Variants in ZNF256 observed in about 807,000 individuals in gnomAD.
The protein encoded by ZNF256 is bone marrow zinc finger 3.
ZNF256 carries 4 observed loss-of-function variants against 7.9 expected under a neutral mutation model. The observed-to-expected ratio is 0.50, with a 90% CI of 0.25 to 1.15. ZNF256 has a LOEUF of 1.15. Among genes scored for constraint, ZNF256 ranks in the 50% most tolerant of loss-of-function variants. ZNF256 has a pLI of 0.15. For missense variants in ZNF256, 666 were observed against 755.9 expected (o/e 0.88, Z 1.39); for synonymous variants, 260 against 260.4 (o/e 1.00, Z 0.02).
rs1418412680 is a variant in ZNF256, at chr19:57,943,974, G to A, written c.120C>T (p.His40=). 8 of 1,614,064 alleles carry A rather than the reference G, an allele frequency of 5.0e-6. No individual in the cohort carries two copies. Among genetic ancestry groups the A allele is most frequent in the Non-Finnish European group, 6.8e-6 (8 of 1,180,000 alleles). Residue 40 remains histidine, a synonymous_variant, in exon 2 of 3, where the codon CAC becomes CAT. Coordinates refer to ENST00000282308, the MANE Select transcript of ZNF256 (RefSeq NM_005773.3). ...LLDEAQKCLY[H]DVMLENLTLT... The stretch of plus-strand genomic sequence containing the variant: ...GTGTCAAGTTCTCCAGCATCACATC[G>A]TGGTACAGGCATTTCTGAGCCTCAT...
rs1280251662 is a variant in ZNF256, at chr19:57,941,509, T to C, written c.1299A>G (p.Arg433=). The C allele has an allele frequency of 1.2e-6, 2 of 1,613,806 alleles. No homozygotes were observed. The highest frequency in any genetic ancestry group is 1.7e-6 in the Non-Finnish European group (2 of 1,180,004). Residue 433 remains arginine (R), a synonymous_variant, in exon 3 of 3, where the codon AGA becomes AGG. Transcript: ENST00000282308. The part of the protein sequence containing the change: ...FQHQRVHTGV[R]SHECHECGKL... ...TTCCACATTCATGACATTCATGAGA[T>C]CTTACTCCAGTATGAACTCTCTGGT...
rs1469277514 is a variant in ZNF256 at position 57,942,238 on chromosome 19, G to A, written c.570C>T (p.His190=). The A allele has an allele frequency of 6.2e-7, 1 of 1,614,224 alleles. No homozygotes were observed. The change falls in exon 3 of 3, where the codon CAC becomes CAT. Residue 190 remains histidine, a synonymous_variant. Transcript: ENST00000282308. ...RSRFLQQQAA[H]TRKKSNRTKS... ...TGGTTCTGTTTGACTTCTTTCTGGT[G>A]TGAGCAGCCTGTTGCTGAAGAAATC...
In ZNF256 at chr19:57,942,100, T is replaced by C. The variant is rs760163276; in HGVS notation, c.708A>G (p.Glu236=). The part of the protein sequence containing the change: ...RVQHQGDLIR[E]RSYMCSECGK... ...CACATTCACTGCACATGTAAGATCT[T>C]TCCCTAATGAGGTCTCCCTGGTGCT... The change falls in exon 3 of 3, where the codon GAA becomes GAG. Residue 236 remains glutamate (E), a synonymous_variant. Transcript: ENST00000282308. The C allele has an allele frequency of 1.9e-6, 3 of 1,614,222 alleles. No homozygotes were observed. In the African/African-American group the frequency reaches 4.0e-5, roughly 22 times the overall value.
At position 57,942,459 on chromosome 19, in the gene ZNF256, G is replaced by A. The variant is rs1299090617; in HGVS notation, c.349C>T (p.Leu117=). 6.2e-7 allele frequency: 1 copy of A among 1,614,190 alleles called. No individual in the cohort carries two copies. Among genetic ancestry groups the A allele is most frequent in the Non-Finnish European group, 8.5e-7 (1 of 1,180,030 alleles). Residue 117 remains leucine, a synonymous_variant, in exon 3 of 3, where the codon CTG becomes TTG. Coordinates refer to ENST00000282308, the MANE Select transcript of ZNF256 (RefSeq NM_005773.3). ...TTCCTACATGCCCCGTCTGTATACAGTTTCTGACCATGGTGTGTTCCTTGG... is the reference window on the plus strand; with the variant it reads ...TTCCTACATGCCCCGTCTGTATACAATTTCTGACCATGGTGTGTTCCTTGG... ...EHQGTHHGQK[L]YTDGACRKQL... is the part of the protein sequence containing the mutation.
Position 57,947,698 on chromosome 19 carries a change from G to A in ZNF256, c.-224C>T, listed in dbSNP as rs1220669115. 2.4e-6 allele frequency: 1 copy of A among 425,066 alleles called. No individual in the cohort carries two copies. 26.3% of individuals were successfully genotyped at this position (425,066 alleles called of 1,614,324 possible). ...AAACGACCGCCACAAGGAGGACAAC[G>A]GAAGTCCCGCCGCGACCGCGCGTGC... is the stretch of plus-strand genomic sequence containing the variant. On this transcript the variant is annotated 5_prime_UTR_variant, in exon 1 of 3. Coordinates refer to ENST00000282308, the MANE Select transcript of ZNF256 (RefSeq NM_005773.3).
At position 57,942,394 on chromosome 19, in the gene ZNF256, C is replaced by T. The variant is rs905857086; in HGVS notation, c.414G>A (p.Lys138=). Residue 138 remains lysine, a synonymous_variant, in exon 3 of 3, where the codon AAG becomes AAA. Coordinates refer to ENST00000282308, the MANE Select transcript of ZNF256 (RefSeq NM_005773.3). ...QFTAYLHQHQ[K]QHVGQKHFRS... ...TGAAGTGTTTCTGTCCAACATGCTGCTTCTGGTGCTGATGAAGGTATGCAG... is the reference window on the plus strand; with the variant it reads ...TGAAGTGTTTCTGTCCAACATGCTGTTTCTGGTGCTGATGAAGGTATGCAG... 15 of 1,614,234 alleles carry T rather than the reference C, an allele frequency of 9.3e-6. No individual in the cohort carries two copies. The highest frequency in any genetic ancestry group is 1.7e-5 in the Admixed American group (1 of 60,026).
intron 1 of ZNF256, among the ~76,000 whole-genome samples, chr19:57,945,255 C>T (rs1298660935): frequency 1.3e-5 from 2 of 152,156 alleles, no homozygotes. Context: ...ACACTCCACA[C>T]AGGGCCATAC....
chr19:57,942,927 G>A (rs2072740735), intron 2 of ZNF256, among the ~76,000 whole-genome samples: 2 of 152,220 alleles, frequency 1.3e-5, no homozygotes, highest in Non-Finnish European at 2.9e-5. Flanking sequence ...ACAATTTTCA[G>A]TGAGATCTGC....
intron 2 of ZNF256, 90 bp downstream of exon 2, chr19:57,943,844 A>C: frequency 6.6e-7 from 1 of 1,525,264 alleles, no homozygotes. Flanking sequence ...AGCTGTGTCA[A>C]TAGTCCTCTT....
chr19:57,941,647 G>A lies in ZNF256; in HGVS notation c.1161C>T (p.Ser387=), dbSNP rs752458033. The part of the protein sequence containing the change: ...RPYMCSECGK[S]FSQSCHLIKH... ...TAATGAGGTGACAGCTCTGGCTAAAGGATTTCCCACATTCACTGCACATAT... is the reference window on the plus strand; with the variant it reads ...TAATGAGGTGACAGCTCTGGCTAAAAGATTTCCCACATTCACTGCACATAT... Residue 387 remains serine, a synonymous_variant, in exon 3 of 3, where the codon TCC becomes TCT. Transcript: ENST00000282308. 3 of 1,613,674 alleles carry A rather than the reference G, an allele frequency of 1.9e-6. No homozygotes were observed. Among genetic ancestry groups the A allele is most frequent in the African/African-American group, 2.7e-5 (2 of 74,792 alleles).
rs1368635058 is a variant in ZNF256 at position 57,941,786 on chromosome 19, T to C, written c.1022A>G (p.His341Arg). 9.9e-6 allele frequency: 16 copies of C among 1,614,114 alleles called. No individual in the cohort carries two copies. The highest frequency in any genetic ancestry group is 1.4e-5 in the Non-Finnish European group (16 of 1,179,974). Residue 341 changes from histidine to arginine, a missense_variant, in exon 3 of 3, where the codon CAC becomes CGC. Transcript: ENST00000282308. Reference sequence around the variant, plus strand: ...CCTCATTCCAGTATGAATTCTCTGGTGTGTAATGAGGCTAGAGCTATGGCT... The same window carrying C: ...CCTCATTCCAGTATGAATTCTCTGGCGTGTAATGAGGCTAGAGCTATGGCT... ...SFSHSSSLIT[H>R]QRIHTGMRPY... is the part of the protein sequence containing the mutation.
At position 57,942,097 on chromosome 19, in the gene ZNF256, T is replaced by C; in HGVS notation, c.711A>G (p.Arg237=). 1 of 1,614,244 alleles carries C rather than the reference T, an allele frequency of 6.2e-7. No individual in the cohort carries two copies. The highest frequency in any genetic ancestry group is 1.6e-4 in the Middle Eastern group (1 of 6,062). The part of the protein sequence containing the change: ...VQHQGDLIRE[R]SYMCSECGKS... ...TCCCACATTCACTGCACATGTAAGA[T>C]CTTTCCCTAATGAGGTCTCCCTGGT... The change falls in exon 3 of 3, where the codon AGA becomes AGG. Residue 237 remains arginine, a synonymous_variant. Coordinates refer to ENST00000282308, the MANE Select transcript of ZNF256 (RefSeq NM_005773.3).
chr19:57,943,410 A>G (rs897601341), intron 2 of ZNF256, among the ~76,000 whole-genome samples: 1 of 152,128 alleles, frequency 6.6e-6, no homozygotes, highest in African/African-American at 2.4e-5. Context: ...GACCCCTACA[A>G]TCAAGAACAC....
rs753258803 is a variant in ZNF256, at chr19:57,942,044, C to CTGAGGCTA, written c.756_763dup (p.Ser255IlefsTer7). 8.7e-6 allele frequency: 14 copies of CTGAGGCTA among 1,613,322 alleles called. 1 individual carries two copies. In the South Asian group the frequency reaches 1.4e-4, roughly 16 times the overall value. On this transcript the variant is annotated frameshift_variant, in exon 3 of 3. Transcript: ENST00000282308. LOFTEE classifies it low-confidence loss of function (END_TRUNC). Reference sequence around the variant, plus strand: ...TGAAGTGTGAACTCTCAAATGATCACTGAGGCTACAGCTTGTGCTAAAAGA... The same window carrying CTGAGGCTA: ...TGAAGTGTGAACTCTCAAATGATCACTGAGGCTATGAGGCTACAGCTTGTGCTAAAAGA...
chr19:57,941,496 G>A lies in ZNF256; in HGVS notation c.1312C>T (p.His438Tyr), dbSNP rs147502930. 3 of 1,613,474 alleles carry A rather than the reference G, an allele frequency of 1.9e-6. No individual in the cohort carries two copies. The African/African-American group carries it at 4.0e-5, about 22-fold the overall frequency. Reference protein sequence around the residue: ...VHTGVRSHECHECGKLFSRKF... With the variant: ...VHTGVRSHECYECGKLFSRKF... ...CTGCTAAATAATTTTCCACATTCAT[G>A]ACATTCATGAGATCTTACTCCAGTA... Residue 438 changes from histidine (H) to tyrosine (Y), a missense_variant, in exon 3 of 3, where the codon CAT (histidine) becomes TAT (tyrosine). His to Tyr is a moderately conservative substitution (Grantham distance 83, BLOSUM62 2). Coordinates refer to ENST00000282308, the MANE Select transcript of ZNF256 (RefSeq NM_005773.3).
At chr19:57,943,067 C>A (rs1047929541) in intron 2 of ZNF256, among the ~76,000 whole-genome samples, 3 of 152,130 alleles carry the variant, frequency 2.0e-5, no homozygotes, top group African/African-American at 7.2e-5. Context: ...AAGAGCACTG[C>A]AGATAAGGCA....
In ZNF256 at chr19:57,941,871, G is replaced by A; in HGVS notation, c.937C>T (p.His313Tyr). 1.9e-6 allele frequency: 3 copies of A among 1,614,184 alleles called. No individual in the cohort carries two copies. The highest frequency in any genetic ancestry group is 1.7e-6 in the Non-Finnish European group (2 of 1,180,022). ...CTTTCTCCAGTATGAACTCTCTGATGTATAAGAAGGTCATACTTCCTGTTA... is the reference window on the plus strand; with the variant it reads ...CTTTCTCCAGTATGAACTCTCTGATATATAAGAAGGTCATACTTCCTGTTA... ...LFNRKYDLLI[H>Y]QRVHTGERPY... Residue 313 changes from histidine to tyrosine, a missense_variant, in exon 3 of 3, where the codon CAT (histidine) becomes TAT (tyrosine). Physicochemically the swap from His to Tyr is moderately conservative, Grantham distance 83. Coordinates refer to ENST00000282308, the MANE Select transcript of ZNF256 (RefSeq NM_005773.3).
chr19:57,941,104 A>T lies in ZNF256; in HGVS notation c.1704T>A (p.Val568=), dbSNP rs772909499. ...ATTCATAAGGCCTTTCTCCGGTATGAACTCTTCGGTGTTTAACGAGGCTAG... is the reference window on the plus strand; with the variant it reads ...ATTCATAAGGCCTTTCTCCGGTATGTACTCTTCGGTGTTTAACGAGGCTAG... ...NHSSLVKHRR[V]HTGERPYECS... The change falls in exon 3 of 3, where the codon GTT becomes GTA. Residue 568 remains valine (V), a synonymous_variant. Transcript: ENST00000282308. 1 of 1,614,174 alleles carries T rather than the reference A, an allele frequency of 6.2e-7. No individual in the cohort carries two copies. The highest frequency in any genetic ancestry group is 8.5e-7 in the Non-Finnish European group (1 of 1,180,018).
intron 1 of ZNF256, among the ~76,000 whole-genome samples, chr19:57,946,487 C>T (rs532429332): frequency 6.6e-6 from 1 of 152,188 alleles, no homozygotes; most frequent in Non-Finnish European, 1.5e-5. Context: ...GTTTCACTCC[C>T]TCACCACCTA....
Sources: allele counts gnomAD v4.1 joint callset (sites outside exome capture counted in the v4.1 genomes callset), GRCh38; gene constraint gnomAD v4.1.1; transcripts MANE v1.5; gene names NCBI Gene and HGNC (gene_info 2026-07-23, HGNC 2026-07-21).